LSG1: variants seen among roughly 807,000 people sequenced by gnomAD.
LSG1 encodes the protein large 60S subunit nuclear export GTPase 1.
A neutral mutation model predicts 82.6 loss-of-function variants in LSG1; 55 were observed. The ratio of observed to expected loss-of-function variants is 0.67; its 90% CI spans 0.54 to 0.83. The LOEUF is 0.83. Ranked by LOEUF, LSG1 falls within the 40% of genes least tolerant of loss-of-function variation. The probability of loss-of-function intolerance (pLI) is 0.00; values close to 1 mark genes in which losing one functional copy is unlikely to be tolerated. For synonymous variants in LSG1, 272 were observed against 282.5 expected, an observed-to-expected ratio of 0.96 and a Z score of 0.37; for missense variants, 809 against 807.9, an observed-to-expected ratio of 1.00 and a Z score of -0.02.
Position 194,652,913 on chromosome 3 carries a change from T to A in LSG1, c.989A>T (p.Glu330Val). The A allele has an allele frequency of 6.2e-7, 1 of 1,614,146 alleles. No homozygotes were observed. The highest frequency in any genetic ancestry group is 8.5e-7 in the Non-Finnish European group (1 of 1,180,038). Residue 330 changes from glutamate (E) to valine (V), a missense_variant, in exon 8 of 14, where the codon GAG becomes GTG. Physicochemically the swap from Glu to Val is moderately radical, Grantham distance 121 (BLOSUM62 -2). Transcript: ENST00000265245. ...TCSEEDGPKE[E>V]DCSQDWKESS... ...TTCCTTCCAGTCCTGGCTGCAGTCC[T>A]CTTCCTTGGGACCGTCTTCTTCTGA...
chr3:194,662,750 G>A (rs938807392), intron 5 of LSG1, among the ~76,000 whole-genome samples: 7 of 152,140 alleles, frequency 4.6e-5, no homozygotes, highest in South Asian at 2.1e-4. Context: ...TAACAAGAGC[G>A]AAAGTCCGTC....
intron 1 of LSG1, chr3:194,671,772 G>A: frequency 4.4e-6 from 2 of 456,082 alleles, no homozygotes; most frequent in Non-Finnish European, 7.7e-6. Flanking sequence ...AAGCACTTCA[G>A]TGGCTTCTAG....
chr3:194,660,133 A>G lies in LSG1; in HGVS notation c.522T>C (p.Ser174=), dbSNP rs773957802. Residue 174 remains serine (S), a splice_region_variant and synonymous_variant, in exon 6 of 14, where the codon AGT becomes AGC. Transcript: ENST00000265245. ...CATCTACTATCTGGACCACAATATCACTGAAAAACAAACACGAGATAGACC... is the reference window on the plus strand; with the variant it reads ...CATCTACTATCTGGACCACAATATCGCTGAAAAACAAACACGAGATAGACC... ...WRQLWRVIER[S]DIVVQIVDAR... 4 of 1,613,458 alleles carry G rather than the reference A, an allele frequency of 2.5e-6. No individual in the cohort carries two copies. The highest frequency in any genetic ancestry group is 1.7e-5 in the Admixed American group (1 of 60,008).
chr3:194,655,814 T>G (rs1384892359), intron 7 of LSG1, among the ~76,000 whole-genome samples: 1 of 152,022 alleles, frequency 6.6e-6, no homozygotes, highest in Non-Finnish European at 1.5e-5. Flanking sequence ...TATAGACCAA[T>G]GGAACAGAAC....
chr3:194,644,712 C>T lies in LSG1; in HGVS notation c.1658G>A (p.Arg553Lys). 1 of 1,607,816 alleles carries T rather than the reference C, an allele frequency of 6.2e-7. No individual in the cohort carries two copies. Among genetic ancestry groups the T allele is most frequent in the South Asian group, 1.1e-5 (1 of 89,906 alleles). The change falls in exon 13 of 14, where the codon AGA becomes AAA. Residue 553 changes from arginine (R) to lysine (K), a missense_variant. Physicochemically the swap from Arg to Lys is conservative, Grantham distance 26 (BLOSUM62 2). Coordinates refer to ENST00000265245, the MANE Select transcript of LSG1 (RefSeq NM_018385.3). ...KLLYCHPPPG[R>K]DPVTFQHQHQ... ...TTGATGCTGAAAAGTTACAGGATCT[C>T]TTCCAGGAGGAGGATGGCAGTACAG... is the stretch of plus-strand genomic sequence containing the variant.
At chr3:194,660,155 G>T in intron 5 of LSG1, 22 bp from the exon 6 acceptor site, 1 of 1,602,726 alleles carries the variant, frequency 6.2e-7, no homozygotes. Flanking sequence ...ACACGAGATA[G>T]ACCAATCACC....
At chr3:194,643,743 C>A (rs970432891) in intron 13 of LSG1, among the ~76,000 whole-genome samples, 1 of 152,316 alleles carries the variant, frequency 6.6e-6, no homozygotes, top group Middle Eastern at 3.4e-3. Flanking sequence ...AAAACCTGTA[C>A]ACAAGTGTTC....
intron 5 of LSG1, among the ~76,000 whole-genome samples, chr3:194,661,657 G>A (rs1484814974): frequency 6.6e-6 from 1 of 152,214 alleles, no homozygotes; most frequent in African/African-American, 2.4e-5. Context: ...TAGCCAGCCT[G>A]TTACCAAACA....
chr3:194,648,110 A>G (rs549987437), intron 11 of LSG1, among the ~76,000 whole-genome samples: 105 of 147,968 alleles, frequency 7.1e-4, no homozygotes, highest in Non-Finnish European at 2.7e-4. Flanking sequence ...GGTAGACACA[A>G]GGTTCTCCAG....
Position 194,644,727 on chromosome 3 carries a change from T to C in LSG1, c.1643A>G (p.His548Arg), listed in dbSNP as rs1203810527. Reference protein sequence around the residue: ...DYVSGKLLYCHPPPGRDPVTF... With the variant: ...DYVSGKLLYCRPPPGRDPVTF... ...TACAGGATCTCTTCCAGGAGGAGGA[T>C]GGCAGTACAGCAGCTTACCCTACAA... Residue 548 changes from histidine (H) to arginine (R), a missense_variant, in exon 13 of 14, where the codon CAT (histidine) becomes CGT (arginine). Physicochemically the swap from His to Arg is conservative, Grantham distance 29. Transcript: ENST00000265245. The C allele has an allele frequency of 6.2e-7, 1 of 1,606,914 alleles. No individual in the cohort carries two copies.
At chr3:194,645,593 C>CACACACAGACAGACAG (rs1718532051) in intron 12 of LSG1, among the ~76,000 whole-genome samples, 2 of 100,120 alleles carry the variant, frequency 2.0e-5, no homozygotes, top group African/African-American at 8.5e-5. Context: ...CACACACACA[C>CACACACAGACAGACAG]ACACACACAC....
intron 12 of LSG1, chr3:194,645,531 G>GACACACACACACACACACACACACACAC (rs1718511520): frequency 2.8e-5 from 1 of 35,118 alleles, no homozygotes; most frequent in Non-Finnish European, 5.4e-5. Context: ...CACACACACA[G>GACACACACACACACACACACACACACAC]ACAGACACAC....
Position 194,653,034 on chromosome 3 carries a change from C to CCCTAGCTGG in LSG1, c.859_867dup (p.Pro287_Arg289dup). The stretch of plus-strand genomic sequence containing the variant: ...GGATTTTCACTAAGTGAAGGAGAAT[C>CCCTAGCTGG]CCTAGCTGGGAGATGTTCGGATTCA... On this transcript the variant is annotated inframe_insertion, in exon 8 of 14. Transcript: ENST00000265245. 6.2e-7 allele frequency: 1 copy of CCCTAGCTGG among 1,614,182 alleles called. No individual in the cohort carries two copies. The highest frequency in any genetic ancestry group is 8.5e-7 in the Non-Finnish European group (1 of 1,180,026).
chr3:194,649,409 C>T (rs965734916), intron 10 of LSG1, among the ~76,000 whole-genome samples: 6 of 151,762 alleles, frequency 4.0e-5, no homozygotes, highest in South Asian at 2.1e-4. Flanking sequence ...AAAGGCCAGG[C>T]GTGGTGGCTC....
In LSG1 at chr3:194,652,927, GTCT is replaced by G. The variant is rs1553845816; in HGVS notation, c.972_974del (p.Glu324del). The G allele has an allele frequency of 1.2e-6, 2 of 1,613,966 alleles. No homozygotes were observed. Among genetic ancestry groups the G allele is most frequent in the African/African-American group, 2.7e-5 (2 of 74,890 alleles). ...GGCTGCAGTCCTCTTCCTTGGGACC[GTCT>G]TCTTCTGAGCACGTCTGCCAGTCGT... On this transcript the variant is annotated inframe_deletion, in exon 8 of 14. Transcript: ENST00000265245.
intron 5 of LSG1, among the ~76,000 whole-genome samples, chr3:194,662,813 A>G (rs1241232276): frequency 6.6e-6 from 1 of 152,184 alleles, no homozygotes; most frequent in East Asian, 1.9e-4. Context: ...CTCTGGGGAA[A>G]AGACCTACAG....
intron 12 of LSG1, among the ~76,000 whole-genome samples, chr3:194,645,612 A>G (rs1718533930): frequency 6.8e-6 from 1 of 147,214 alleles, no homozygotes; most frequent in East Asian, 2.0e-4. Flanking sequence ...ACACACACAC[A>G]CACACACACA....
Position 194,651,054 on chromosome 3 carries a change from G to T in LSG1, c.1276-30C>A, listed in dbSNP as rs60775056. The T allele has an allele frequency of 4.3e-6, 7 of 1,613,920 alleles. No individual in the cohort carries two copies. The African/African-American group carries it at 5.3e-5, about 12-fold the overall frequency. On this transcript the variant is annotated intron_variant, in intron 9 of 13. Coordinates refer to ENST00000265245, the MANE Select transcript of LSG1 (RefSeq NM_018385.3). ...AAGACAAGCAAGAGGTTTGAGCTGG[G>T]TATACAACAGATAAAAGGAAGAAAG...
At chr3:194,648,227 A>G (rs979369347) in intron 11 of LSG1, among the ~76,000 whole-genome samples, 1 of 152,050 alleles carries the variant, frequency 6.6e-6, no homozygotes, top group Non-Finnish European at 1.5e-5. Flanking sequence ...ATGTCAAATA[A>G]GTTTACAGGG....
Sources: allele counts gnomAD v4.1 joint callset (sites outside exome capture counted in the v4.1 genomes callset), GRCh38; gene constraint gnomAD v4.1.1; transcripts MANE v1.5; gene names NCBI Gene and HGNC (gene_info 2026-07-23, HGNC 2026-07-21).